DNAH9: variants seen among roughly 807,000 people sequenced by gnomAD.
The protein encoded by DNAH9 is dynein axonemal heavy chain 9.
In DNAH9, 345 loss-of-function variants were observed where a neutral mutation model predicts 471.6. That is an observed-to-expected ratio of 0.73 (90% CI 0.67 to 0.80). The LOEUF (loss-of-function observed/expected upper bound fraction) is 0.80. DNAH9 is among the 30% of genes least tolerant of loss of function. DNAH9 has a pLI of 0.00. For missense variants in DNAH9, 5,407 were observed against 5,609.2 expected, an observed-to-expected ratio of 0.96 and a Z score of 1.15; for synonymous variants, 2,093 against 2,123.6, an observed-to-expected ratio of 0.99 and a Z score of 0.40.
intron 62 of DNAH9, among the ~76,000 whole-genome samples, chr17:11,928,091 CTTTA>C (rs140957199): frequency 0.27 from 40,473 of 148,472 alleles, 5,686 homozygotes; most frequent in Non-Finnish European, 0.33. Flanking sequence ...ATACAAAATC[CTTTA>C]TTTATTTATT....
chr17:11,649,140 AAAG>A (rs1567689827), intron 12 of DNAH9, among the ~76,000 whole-genome samples: 1 of 152,088 alleles, frequency 6.6e-6, no homozygotes, highest in African/African-American at 2.4e-5. Flanking sequence ...AAAAAAAAAA[AAAG>A]AATGAACAGT....
At chr17:11,935,188 C>G (rs766246193) in intron 65 of DNAH9, among the ~76,000 whole-genome samples, 1 of 151,580 alleles carries the variant, frequency 6.6e-6, no homozygotes, top group Non-Finnish European at 1.5e-5. Flanking sequence ...TCTCGAACTC[C>G]TAACCTCAGG....
At chr17:11,800,964 A>G (rs568206584) in intron 43 of DNAH9, among the ~76,000 whole-genome samples, 53 of 152,314 alleles carry the variant, frequency 3.5e-4, no homozygotes, top group African/African-American at 1.2e-3. Context: ...GGTGATCCTA[A>G]TTATAACTAG....
chr17:11,629,621 C>G, intron 7 of DNAH9, 37 bp downstream of exon 7: 5 of 1,596,204 alleles, frequency 3.1e-6, no homozygotes, highest in Non-Finnish European at 4.3e-6. Flanking sequence ...AGCTCTGCCT[C>G]TGTCCCGGAT....
intron 48 of DNAH9, among the ~76,000 whole-genome samples, chr17:11,828,427 C>T (rs368892433): frequency 2.5e-4 from 36 of 142,774 alleles, no homozygotes; most frequent in African/African-American, 8.2e-4. Flanking sequence ...GAGCTGAGAT[C>T]GCACCATTGC....
Position 11,949,995 on chromosome 17 carries a change from C to A in DNAH9, c.12843+7510C>A, listed in dbSNP as rs183087843. ...AAAGCCAAGTTACACATATTATGTT[C>A]CTCTGCTTTCAAAATGATGTTAGAT... is the stretch of plus-strand genomic sequence containing the variant. On this transcript the variant is annotated intron_variant, in intron 67 of 68. Transcript: ENST00000262442. Among the ~76,000 whole-genome samples the A allele has an allele frequency of 1.6e-3, 238 of 152,204 alleles. 4 individuals are homozygous for A. Among genetic ancestry groups the A allele is most frequent in the Non-Finnish European group, 4.1e-4 (28 of 68,012 alleles).
At chr17:11,663,662 G>T (rs1394230667) in intron 14 of DNAH9, among the ~76,000 whole-genome samples, 1 of 152,148 alleles carries the variant, frequency 6.6e-6, no homozygotes, top group African/African-American at 2.4e-5. Flanking sequence ...TTCTTAGACC[G>T]CAATAGATTT....
intron 38 of DNAH9, among the ~76,000 whole-genome samples, chr17:11,773,768 G>A (rs967902846): frequency 2.0e-5 from 3 of 152,200 alleles, no homozygotes; most frequent in Non-Finnish European, 2.9e-5. Flanking sequence ...AGATGCCAGT[G>A]TAGCACTATC....
intron 62 of DNAH9, 114 bp from the exon 63 acceptor site, chr17:11,929,752 A>G: frequency 1.2e-6 from 1 of 853,728 alleles, no homozygotes; most frequent in South Asian, 1.8e-5. Context: ...AATTTTTAAA[A>G]ATTATGTGAT....
intron 67 of DNAH9, among the ~76,000 whole-genome samples, chr17:11,949,471 T>C (rs796434504): frequency 3.3e-5 from 5 of 150,612 alleles, no homozygotes; most frequent in African/African-American, 1.2e-4. Context: ...TGCTGTAGTA[T>C]AGCTTGAGAC....
chr17:11,967,086 A>T, intron 68 of DNAH9, among the ~76,000 whole-genome samples: 1 of 148,896 alleles, frequency 6.7e-6, no homozygotes, highest in East Asian at 2.0e-4. Context: ...ATAGATTGTT[A>T]TGTACATTAG....
At chr17:11,760,537 T>G (rs1967620388) in intron 35 of DNAH9, among the ~76,000 whole-genome samples, 1 of 152,092 alleles carries the variant, frequency 6.6e-6, no homozygotes, top group Admixed American at 6.5e-5. Flanking sequence ...ATTTTTTTTT[T>G]GAGACGGAGT....
intron 27 of DNAH9, among the ~76,000 whole-genome samples, chr17:11,720,719 T>C (rs1298108119): frequency 1.3e-5 from 2 of 152,218 alleles, no homozygotes; most frequent in Admixed American, 1.3e-4. Flanking sequence ...TTCTGTAGCA[T>C]GATTTTGTTG....
intron 41 of DNAH9, among the ~76,000 whole-genome samples, chr17:11,792,780 A>G (rs2150907538): frequency 6.6e-6 from 1 of 152,306 alleles, no homozygotes; most frequent in Middle Eastern, 3.4e-3. Context: ...CAGAGAAACC[A>G]CTTTTTCCCT....
chr17:11,931,254 T>C (rs1974499727), intron 63 of DNAH9, among the ~76,000 whole-genome samples: 1 of 152,216 alleles, frequency 6.6e-6, no homozygotes, highest in South Asian at 2.1e-4. Context: ...GGTTTTCTTC[T>C]TGGTTGTCAT....
At chr17:11,678,839 T>G (rs947011433) in intron 17 of DNAH9, among the ~76,000 whole-genome samples, 3 of 152,134 alleles carry the variant, frequency 2.0e-5, no homozygotes, top group Admixed American at 1.3e-4. Flanking sequence ...GTTTGTTCTA[T>G]TTCGTTCTTC....
Position 11,747,621 on chromosome 17 carries a change from C to G in DNAH9, c.6465C>G (p.Thr2155=). The change falls in exon 32 of 69, where the codon ACC becomes ACG. Residue 2155 remains threonine (T), a synonymous_variant. Transcript: ENST00000262442. ...HSVFVVGGAG[T]GKSQVLRSLH... is the part of the protein sequence containing the mutation. ...TATTTGTGGTGGGTGGCGCTGGTAC[C>G]GGCAAGTCACAGGTGCTGAGGTCCT... 6.2e-7 allele frequency: 1 copy of G among 1,614,064 alleles called. No homozygotes were observed.
intron 14 of DNAH9, among the ~76,000 whole-genome samples, chr17:11,660,538 G>T (rs903182789): frequency 6.6e-6 from 1 of 152,002 alleles, no homozygotes; most frequent in African/African-American, 2.4e-5. Flanking sequence ...GGCCAGGCTG[G>T]TCTGGAACTC....
chr17:11,829,205 G>A (rs1046606616), intron 48 of DNAH9, among the ~76,000 whole-genome samples: 2 of 152,166 alleles, frequency 1.3e-5, no homozygotes, highest in African/African-American at 4.8e-5. Context: ...GGTATAAAAA[G>A]ACTGAAGTAT....
Sources: allele counts gnomAD v4.1 joint callset (sites outside exome capture counted in the v4.1 genomes callset), GRCh38; gene constraint gnomAD v4.1.1; transcripts MANE v1.5; gene names NCBI Gene and HGNC (gene_info 2026-07-23, HGNC 2026-07-21).